RBM19: variants seen among roughly 807,000 people sequenced by gnomAD.
RBM19 encodes the protein probable RNA-binding protein 19.
RBM19 carries 94 observed loss-of-function variants against 116.8 expected under a neutral mutation model. That is an observed-to-expected ratio of 0.80 (90% confidence interval 0.68 to 0.95). The LOEUF (loss-of-function observed/expected upper bound fraction) is 0.95, where lower values mean the gene tolerates loss of function less well. RBM19 is among the 40% of genes least tolerant of loss of function. The pLI is 0.00. For missense variants in RBM19, 1,161 were observed against 1,220.7 expected (o/e 0.95, Z 0.73); for synonymous variants, 475 against 494.1 (o/e 0.96, Z 0.51).
At chr12:113,880,909 G>A (rs75411826) in intron 21 of RBM19, among the ~76,000 whole-genome samples, 2 of 152,276 alleles carry the variant, frequency 1.3e-5, no homozygotes, top group East Asian at 1.9e-4. Context: ...CATCAGGAAC[G>A]TAGACAGAAA....
intron 17 of RBM19, among the ~76,000 whole-genome samples, chr12:113,926,554 C>A (rs1350564556): frequency 6.6e-6 from 1 of 151,672 alleles, no homozygotes; most frequent in Non-Finnish European, 1.5e-5. Flanking sequence ...TCACTCAGGG[C>A]AGCCCTCATT....
chr12:113,852,532 A>G (rs1877541435), intron 22 of RBM19, among the ~76,000 whole-genome samples: 1 of 152,172 alleles, frequency 6.6e-6, no homozygotes, highest in Admixed American at 6.5e-5. Flanking sequence ...CAATTCCTGA[A>G]TTTGCTTTCG....
chr12:113,962,059 A>G (rs1377303357), intron 2 of RBM19, among the ~76,000 whole-genome samples, 173 bp downstream of exon 2: 1 of 152,254 alleles, frequency 6.6e-6, no homozygotes, highest in Non-Finnish European at 1.5e-5. Flanking sequence ...GGAAGCTGTT[A>G]TAATAAGCTC....
chr12:113,912,283 G>C (rs2135848255), intron 21 of RBM19, among the ~76,000 whole-genome samples: 1 of 152,332 alleles, frequency 6.6e-6, no homozygotes, highest in East Asian at 1.9e-4. Flanking sequence ...GGCTGTCCCT[G>C]TCAGTTTCCT....
At chr12:113,939,855 T>G in intron 15 of RBM19, 105 bp downstream of exon 15, 3 of 1,250,494 alleles carry the variant, frequency 2.4e-6, no homozygotes, top group Middle Eastern at 4.9e-4. Flanking sequence ...TAGGGTGAGC[T>G]CCCATGTGCC....
chr12:113,954,245 T>C (rs1209916629), intron 7 of RBM19, among the ~76,000 whole-genome samples: 1 of 152,214 alleles, frequency 6.6e-6, no homozygotes, highest in Non-Finnish European at 1.5e-5. Context: ...TGAGCTATGA[T>C]GGCAGCACTG....
At chr12:113,950,007 C>T in intron 9 of RBM19, 76 bp downstream of exon 9, 4 of 1,311,756 alleles carry the variant, frequency 3.0e-6, no homozygotes, top group East Asian at 2.3e-5. Flanking sequence ...GGTGCTGGTA[C>T]AAGAACGTGT....
intron 16 of RBM19, among the ~76,000 whole-genome samples, chr12:113,935,338 T>C (rs1382027813): frequency 6.8e-6 from 1 of 147,810 alleles, no homozygotes; most frequent in Non-Finnish European, 1.5e-5. Flanking sequence ...GGTTCAAGGG[T>C]GGTAACTGAA....
At chr12:113,817,091 G>A (rs1226790117), downstream of RBM19, 1 of 152,162 alleles carries the variant, frequency 6.6e-6, no homozygotes, top group South Asian at 2.1e-4. Context: ...TAGACGCTGC[G>A]GAGCACAGAC....
At chr12:113,918,956 A>G (rs978279882) in intron 19 of RBM19, among the ~76,000 whole-genome samples, 2 of 152,246 alleles carry the variant, frequency 1.3e-5, no homozygotes, top group African/African-American at 4.8e-5. Context: ...CGTAGGAACA[A>G]TTCTTGGAGG....
At chr12:113,877,669 C>A (rs143969278) in intron 21 of RBM19, among the ~76,000 whole-genome samples, 1 of 152,282 alleles carries the variant, frequency 6.6e-6, no homozygotes, top group East Asian at 1.9e-4. Flanking sequence ...CAGGCAGCAA[C>A]GAAAGCAAGA....
intron 15 of RBM19, among the ~76,000 whole-genome samples, chr12:113,939,135 G>T (rs917792041): frequency 5.9e-5 from 9 of 151,996 alleles, no homozygotes; most frequent in Non-Finnish European, 1.2e-4. Context: ...GGAGACCTTT[G>T]TCTCTACAAA....
At chr12:113,941,564 T>A (rs1870571453) in intron 14 of RBM19, among the ~76,000 whole-genome samples, 2 of 146,600 alleles carry the variant, frequency 1.4e-5, no homozygotes, top group African/African-American at 5.3e-5. Flanking sequence ...CATCCATCCA[T>A]GCATCATCTG....
intron 16 of RBM19, among the ~76,000 whole-genome samples, chr12:113,933,521 G>A (rs1869798552): frequency 6.8e-6 from 1 of 147,256 alleles, no homozygotes; most frequent in South Asian, 2.2e-4. Flanking sequence ...AACTTCCCGG[G>A]CCAAAGGAGG....
chr12:113,821,160 C>T (rs1055848210), downstream of RBM19, among the ~76,000 whole-genome samples: 11 of 152,132 alleles, frequency 7.2e-5, no homozygotes, highest in Admixed American at 6.5e-5. Flanking sequence ...CAGGCAGATC[C>T]GAATACAGAG....
intron 22 of RBM19, among the ~76,000 whole-genome samples, chr12:113,851,853 C>T (rs1877476137): frequency 6.6e-6 from 1 of 151,676 alleles, no homozygotes; most frequent in Non-Finnish European, 1.5e-5. Context: ...GAGTTCGAGA[C>T]TAGCCTGACC....
rs1566043223 is a variant in RBM19, at chr12:113,957,885, T to A, written c.737A>T (p.Asp246Val). Reference sequence around the variant, plus strand: ...CTGCAGGACTGGGGTGGCGGAGGAATCCTCTTCCTCGGCCTCACTCCCTTC... The same window carrying A: ...CTGCAGGACTGGGGTGGCGGAGGAAACCTCTTCCTCGGCCTCACTCCCTTC... The part of the protein sequence containing the change: ...CDEGSEAEEE[D>V]SSATPVLQER... Residue 246 changes from aspartate (D) to valine (V), a missense_variant, in exon 6 of 24, where the codon GAT becomes GTT. Transcript: ENST00000261741. 3 of 1,614,112 alleles carry A rather than the reference T, an allele frequency of 1.9e-6. No individual in the cohort carries two copies. Among genetic ancestry groups the A allele is most frequent in the Non-Finnish European group, 1.7e-6 (2 of 1,179,998 alleles).
chr12:113,935,211 A>T (rs1281689647), intron 16 of RBM19, among the ~76,000 whole-genome samples: 1 of 151,994 alleles, frequency 6.6e-6, no homozygotes, highest in East Asian at 1.9e-4. Flanking sequence ...TCCTGTTGCC[A>T]CCCAAGGCTG....
chr12:113,833,295 T>G lies in RBM19; in HGVS notation c.2786-9974A>C, dbSNP rs1031429728. On this transcript the variant is annotated intron_variant, in intron 23 of 23. Transcript: ENST00000261741. ...CTGGCTCTACCTTTACCCAAAATGC[T>G]CAATCCACCTGCTTCCCCACCTCCA... 6.6e-5 allele frequency among the ~76,000 whole-genome samples: 10 copies of G among 152,188 alleles called. No homozygotes were observed. The South Asian group carries it at 2.1e-3, about 32-fold the overall frequency.
Sources: gnomAD v4.1 joint callset for allele counts (sites outside exome capture counted in the v4.1 genomes callset) on GRCh38, gnomAD v4.1.1 for gene constraint, MANE v1.5 for transcripts, NCBI Gene and HGNC (gene_info 2026-07-23, HGNC 2026-07-21) for gene names.